Variants in TBC1D5 observed in about 807,000 individuals in gnomAD.
TBC1D5 encodes TBC1 domain family, member 5.
Under a neutral mutation model 100.3 loss-of-function variants are expected in TBC1D5, and 75 were observed. The ratio of observed to expected loss-of-function variants is 0.75; its 90% CI spans 0.62 to 0.91. TBC1D5 has a LOEUF of 0.91. TBC1D5 is among the 40% of genes least tolerant of loss of function. The pLI is 0.00. For synonymous variants in TBC1D5, 323 were observed against 325.6 expected (o/e 0.99, Z 0.09); for missense variants, 910 against 942.4 (o/e 0.97, Z 0.45).
In TBC1D5 at chr3:17,654,213, G is replaced by A. The variant is rs192213440; in HGVS notation, c.-100-30300C>T. Among the ~76,000 whole-genome samples the A allele has an allele frequency of 7.9e-5, 12 of 152,094 alleles. No homozygotes were observed. The East Asian group carries it at 2.1e-3, about 27-fold the overall frequency. On this transcript the variant is annotated intron_variant, in intron 1 of 21. Coordinates refer to ENST00000253692, the Ensembl canonical transcript of TBC1D5. ...TAAATTTACTATTAAAATGAGAAAA[G>A]TATATTCATTTTAGCAATATCACTA...
chr3:17,483,706 T>C (rs1263500229), intron 3 of TBC1D5, among the ~76,000 whole-genome samples: 1 of 152,124 alleles, frequency 6.6e-6, no homozygotes, highest in Admixed American at 6.5e-5. Flanking sequence ...AGAAATGTGT[T>C]AGATATTTAC....
At chr3:17,317,387 T>C (rs536190993) in intron 13 of TBC1D5, among the ~76,000 whole-genome samples, 1 of 152,192 alleles carries the variant, frequency 6.6e-6, no homozygotes, top group Non-Finnish European at 1.5e-5. Context: ...GAAGGAGCCA[T>C]GAAGGGAAAG....
chr3:17,557,179 C>G (rs1442243062), intron 2 of TBC1D5, among the ~76,000 whole-genome samples: 2 of 152,086 alleles, frequency 1.3e-5, no homozygotes, highest in South Asian at 2.1e-4. Flanking sequence ...ATTTATACAT[C>G]AATAATTGAT....
At chr3:17,516,041 T>C (rs73153093) in intron 2 of TBC1D5, among the ~76,000 whole-genome samples, 10,499 of 152,216 alleles carry the variant, frequency 0.069, 710 homozygotes, top group African/African-American at 0.18. Context: ...GAAGCACCAG[T>C]CCTTGCTAGC....
At chr3:17,339,709 A>G (rs1192125443) in intron 13 of TBC1D5, among the ~76,000 whole-genome samples, 2 of 152,254 alleles carry the variant, frequency 1.3e-5, no homozygotes, top group Non-Finnish European at 2.9e-5. Context: ...CAAAAAATTT[A>G]CTGCCTACAG....
At chr3:17,307,437 C>T (rs187414750) in intron 14 of TBC1D5, among the ~76,000 whole-genome samples, 4 of 152,238 alleles carry the variant, frequency 2.6e-5, no homozygotes, top group East Asian at 3.9e-4. Flanking sequence ...ACTGGCTTTC[C>T]GGTTATTACA....
intron 15 of TBC1D5, among the ~76,000 whole-genome samples, chr3:17,282,930 G>A (rs2080766613): frequency 6.6e-6 from 1 of 152,178 alleles, no homozygotes; most frequent in Non-Finnish European, 1.5e-5. Context: ...AATGTACAAG[G>A]TATTAAGGGC....
chr3:17,407,454 T>C (rs1339240823), intron 4 of TBC1D5, among the ~76,000 whole-genome samples: 1 of 152,148 alleles, frequency 6.6e-6, no homozygotes, highest in African/African-American at 2.4e-5. Flanking sequence ...TAACATTTAT[T>C]ATCAAAGCTG....
intron 1 of TBC1D5, chr3:17,662,918 G>C (rs1339466593): frequency 6.6e-6 from 1 of 152,126 alleles, no homozygotes; most frequent in African/African-American, 2.4e-5. Context: ...ATGTACATGA[G>C]TGTCCGTGGT....
chr3:17,493,969 C>T (rs2095670395), intron 3 of TBC1D5, among the ~76,000 whole-genome samples: 1 of 152,186 alleles, frequency 6.6e-6, no homozygotes, highest in Non-Finnish European at 1.5e-5. Context: ...TGTGTCCTTG[C>T]TGCAGAGGTG....
intron 4 of TBC1D5, among the ~76,000 whole-genome samples, chr3:17,406,911 A>G (rs545258634): frequency 3.3e-5 from 5 of 152,250 alleles, no homozygotes; most frequent in Admixed American, 2.6e-4. Flanking sequence ...TGTTGATTAT[A>G]TTAGCTTCTC....
At chr3:17,676,330 A>C (rs1270465768) in intron 1 of TBC1D5, among the ~76,000 whole-genome samples, 1 of 152,182 alleles carries the variant, frequency 6.6e-6, no homozygotes, top group Non-Finnish European at 1.5e-5. Flanking sequence ...AACGTGCAAA[A>C]ATCACAAGCA....
chr3:17,185,309 C>A, intron 18 of TBC1D5, 101 bp from the exon 20 acceptor site: 1 of 806,210 alleles, frequency 1.2e-6, no homozygotes, highest in South Asian at 2.7e-5. Context: ...AAGCATGATA[C>A]CTTTTTAAAC....
chr3:17,322,616 G>A (rs1295947929), intron 13 of TBC1D5, among the ~76,000 whole-genome samples: 3 of 152,162 alleles, frequency 2.0e-5, no homozygotes, highest in South Asian at 4.1e-4. Flanking sequence ...TTTAAAAGAC[G>A]CAGACTCAAG....
At chr3:17,228,550 G>T (rs1453019370) in intron 17 of TBC1D5, among the ~76,000 whole-genome samples, 1 of 152,128 alleles carries the variant, frequency 6.6e-6, no homozygotes, top group East Asian at 1.9e-4. Flanking sequence ...ATTTCCCACA[G>T]ACTTCAACTA....
chr3:17,625,935 G>A lies in TBC1D5; in HGVS notation c.-100-2022C>T, dbSNP rs550240889. Among the ~76,000 whole-genome samples, 130 of 151,996 alleles carry A rather than the reference G, an allele frequency of 8.6e-4. 2 individuals are homozygous for A. The highest frequency in any genetic ancestry group is 1.6e-3 in the Non-Finnish European group (109 of 67,882). ...TCATTATCTTTTAACTATTTCACATGAGTTTACGTATCACATAAATGACAT... is the reference window on the plus strand; with the variant it reads ...TCATTATCTTTTAACTATTTCACATAAGTTTACGTATCACATAAATGACAT... On this transcript the variant is annotated intron_variant, in intron 1 of 21. Transcript: ENST00000253692.
chr3:17,253,927 C>T (rs545668672), intron 16 of TBC1D5, among the ~76,000 whole-genome samples: 1 of 152,154 alleles, frequency 6.6e-6, no homozygotes, highest in South Asian at 2.1e-4. Context: ...AGAAGGCTGA[C>T]TTTTCATATA....
At chr3:17,319,583 C>T (rs905989609) in intron 13 of TBC1D5, among the ~76,000 whole-genome samples, 1 of 152,122 alleles carries the variant, frequency 6.6e-6, no homozygotes, top group Admixed American at 6.6e-5. Context: ...ATACAACATA[C>T]AGACATTTTT....
At chr3:17,608,393 T>C (rs1019577994) in intron 2 of TBC1D5, among the ~76,000 whole-genome samples, 7 of 151,928 alleles carry the variant, frequency 4.6e-5, no homozygotes, top group African/African-American at 1.2e-4. Context: ...GGGGAAAAAA[T>C]TGCCATATTT....
Sources: gnomAD v4.1 joint callset for allele counts (sites outside exome capture counted in the v4.1 genomes callset) on GRCh38, gnomAD v4.1.1 for gene constraint, MANE v1.5 for transcripts, NCBI Gene and HGNC (gene_info 2026-07-23, HGNC 2026-07-21) for gene names.